Variants in PRKN observed in about 807,000 individuals in gnomAD.
PRKN encodes E3 ubiquitin-protein ligase parkin.
Under a neutral mutation model 59.5 loss-of-function variants are expected in PRKN, and 56 were observed. That is an observed-to-expected ratio of 0.94 (90% CI 0.76 to 1.18). PRKN has a LOEUF of 1.18. Among genes scored for constraint, PRKN ranks in the 50% most tolerant of loss-of-function variants. The pLI is 0.00. For missense variants in PRKN, 657 were observed against 596.4 expected (o/e 1.10, Z -1.06); for synonymous variants, 250 against 222.1 (o/e 1.13, Z -1.12).
At chr6:161,908,950 G>T (rs1778252477) in intron 6 of PRKN, among the ~76,000 whole-genome samples, 1 of 152,138 alleles carries the variant, frequency 6.6e-6, no homozygotes, top group Non-Finnish European at 1.5e-5. Context: ...ATAACACAGA[G>T]AAATAATACA....
At chr6:162,477,410 C>T (rs1206279423) in intron 1 of PRKN, among the ~76,000 whole-genome samples, 1 of 152,180 alleles carries the variant, frequency 6.6e-6, no homozygotes, top group Non-Finnish European at 1.5e-5. Context: ...CACACTGATG[C>T]ACGAGTTTCC....
rs190172508 is a variant in PRKN at position 161,445,385 on chromosome 6, C to T, written c.1084-58508G>A. On this transcript the variant is annotated intron_variant, in intron 9 of 11. Coordinates refer to ENST00000366898, the MANE Select transcript of PRKN (RefSeq NM_004562.3). This position sits in a 1 kb window ranked among gnomAD's most constrained non-coding sequence, Gnocchi z 7.7. Reference sequence around the variant, plus strand: ...GGGGCTCAGTGGTGCCCCTGGCCACCGAGTCAAGCAGCGTAGATTGATCAG... The same window carrying T: ...GGGGCTCAGTGGTGCCCCTGGCCACTGAGTCAAGCAGCGTAGATTGATCAG... Among the ~76,000 whole-genome samples the T allele has an allele frequency of 4.7e-4, 72 of 152,250 alleles. No individual in the cohort carries two copies. Among genetic ancestry groups the T allele is most frequent in the African/African-American group, 1.3e-3 (54 of 41,548 alleles).
chr6:162,146,437 T>C (rs1424331942), intron 4 of PRKN, among the ~76,000 whole-genome samples: 1 of 150,610 alleles, frequency 6.6e-6, no homozygotes, highest in Non-Finnish European at 1.5e-5. Flanking sequence ...TAAATATATA[T>C]ATATATCGAT....
rs1239237833 is a variant in PRKN at position 161,518,730 on chromosome 6, G to A, written c.1083+30124C>T. 6.6e-6 allele frequency among the ~76,000 whole-genome samples: 1 copy of A among 152,208 alleles called. No individual in the cohort carries two copies. Among genetic ancestry groups the A allele is most frequent in the Admixed American group, 6.5e-5 (1 of 15,288 alleles). On this transcript the variant is annotated intron_variant, in intron 9 of 11. Transcript: ENST00000366898. This position sits in a 1 kb window ranked among gnomAD's most constrained non-coding sequence, Gnocchi z 5.0. ...ACACATCCTCCTGCCTGCTGCAGAG[G>A]GCCGGCGGTGTGCCTTGATACTTGG... is the stretch of plus-strand genomic sequence containing the variant.
At chr6:162,305,820 T>C (rs561929207) in intron 2 of PRKN, among the ~76,000 whole-genome samples, 10 of 152,236 alleles carry the variant, frequency 6.6e-5, no homozygotes, top group African/African-American at 2.2e-4. Flanking sequence ...ATTCTATATC[T>C]AAAACCATAT....
intron 2 of PRKN, among the ~76,000 whole-genome samples, chr6:162,359,497 T>C (rs1785040624): frequency 6.6e-6 from 1 of 152,066 alleles, no homozygotes; most frequent in Admixed American, 6.6e-5. Context: ...GTTAATTTGC[T>C]AATGAAATCT....
chr6:161,518,009 C>A lies in PRKN; in HGVS notation c.1083+30845G>T, dbSNP rs578214867. Among the ~76,000 whole-genome samples the A allele has an allele frequency of 3.9e-5, 6 of 152,218 alleles. No homozygotes were observed. Among genetic ancestry groups the A allele is most frequent in the Non-Finnish European group, 8.8e-5 (6 of 68,004 alleles). On this transcript the variant is annotated intron_variant, in intron 9 of 11. Transcript: ENST00000366898. The surrounding 1 kb of genome is among the most constrained non-coding windows in gnomAD (Gnocchi z 5.0). ...GAAATCAAGAGGACTATTATTTCCT[C>A]GGGGAGACTGGCAGAAGTTGGCTGC...
intron 2 of PRKN, among the ~76,000 whole-genome samples, chr6:162,409,070 G>A (rs1441284686): frequency 6.6e-6 from 1 of 152,066 alleles, no homozygotes; most frequent in Non-Finnish European, 1.5e-5. Context: ...ATAAAGGAAC[G>A]ATTTGCATAG....
At chr6:162,492,795 A>G (rs1160167916) in intron 1 of PRKN, among the ~76,000 whole-genome samples, 2 of 151,986 alleles carry the variant, frequency 1.3e-5, no homozygotes, top group Non-Finnish European at 2.9e-5. Context: ...ACTAAAAAAT[A>G]CAAAAAAATT....
At position 161,862,012 on chromosome 6, in the gene PRKN, G is replaced by C. The variant is rs190405652; in HGVS notation, c.735-76104C>G. 1.1e-3 allele frequency among the ~76,000 whole-genome samples: 170 copies of C among 152,204 alleles called. 1 individual carries two copies. The highest frequency in any genetic ancestry group is 1.8e-3 in the Non-Finnish European group (125 of 68,010). On this transcript the variant is annotated intron_variant, in intron 6 of 11. Transcript: ENST00000366898. Reference sequence around the variant, plus strand: ...CTTTCAGTTTCTGGTGGCTGCCCTGGCATTCCTGGATTTGGGCCACATCAC... The same window carrying C: ...CTTTCAGTTTCTGGTGGCTGCCCTGCCATTCCTGGATTTGGGCCACATCAC...
At chr6:162,498,475 C>T (rs1170893841) in intron 1 of PRKN, among the ~76,000 whole-genome samples, 2 of 64,148 alleles carry the variant, frequency 3.1e-5, no homozygotes, top group Non-Finnish European at 5.5e-5. Context: ...GATGGAGTTT[C>T]GCTCTTGTTG....
At chr6:162,612,294 C>T (rs1028966052) in intron 1 of PRKN, among the ~76,000 whole-genome samples, 6 of 150,814 alleles carry the variant, frequency 4.0e-5, no homozygotes, top group Non-Finnish European at 8.9e-5. Context: ...GTGGAAGCCA[C>T]GGGAAAACAA....
At chr6:162,263,091 TCC>T (rs774893061) in intron 2 of PRKN, among the ~76,000 whole-genome samples, 2 of 151,964 alleles carry the variant, frequency 1.3e-5, no homozygotes, top group Non-Finnish European at 2.9e-5. Context: ...ATTCCTTTTT[TCC>T]CCCCAAGACA....
chr6:161,777,772 T>G (rs1032465655), intron 7 of PRKN, among the ~76,000 whole-genome samples: 1 of 142,660 alleles, frequency 7.0e-6, no homozygotes, highest in Non-Finnish European at 1.5e-5. Context: ...TGTATATATG[T>G]ATATATGTAT....
chr6:162,633,530 T>C (rs148540577), intron 1 of PRKN, among the ~76,000 whole-genome samples: 1 of 151,068 alleles, frequency 6.6e-6, no homozygotes, highest in East Asian at 2.0e-4. Context: ...AATTCAATTA[T>C]GTATAAAACC....
Position 161,352,767 on chromosome 6 carries a change from A to ATTTTTTT in PRKN, c.1286-2557_1286-2556insAAAAAAA, listed in dbSNP as rs1477609421. ...TGTGTGTGTGTGTGTATATATATAT[A>ATTTTTTT]TATATTTTATTTTATTTTATTTTAT... On this transcript the variant is annotated intron_variant, in intron 11 of 11. Transcript: ENST00000366898. The surrounding 1 kb of genome is among the most constrained non-coding windows in gnomAD (Gnocchi z 5.8). Among the ~76,000 whole-genome samples, 15 of 113,386 alleles carry ATTTTTTT rather than the reference A, an allele frequency of 1.3e-4. No homozygotes were observed. Among genetic ancestry groups the ATTTTTTT allele is most frequent in the African/African-American group, 3.6e-4 (12 of 33,548 alleles). 74.4% of individuals were successfully genotyped at this position (113,386 alleles called of 152,430 possible).
In PRKN at chr6:161,582,930, T is replaced by G. The variant is rs1781393661; in HGVS notation, c.872-13514A>C. On this transcript the variant is annotated intron_variant, in intron 7 of 11. Coordinates refer to ENST00000366898, the MANE Select transcript of PRKN (RefSeq NM_004562.3). This position sits in a 1 kb window ranked among gnomAD's most constrained non-coding sequence, Gnocchi z 4.4. ...CTATGGGAGCCCTTGTGCCAGTGAC[T>G]AAATTCCAACCAGCATCTTTCCAGT... is the stretch of plus-strand genomic sequence containing the variant. Among the ~76,000 whole-genome samples the G allele has an allele frequency of 6.7e-6, 1 of 149,826 alleles. No individual in the cohort carries two copies. The highest frequency in any genetic ancestry group is 1.5e-5 in the Non-Finnish European group (1 of 67,746).
In PRKN at chr6:162,284,295, G is replaced by T. The variant is rs1352626148; in HGVS notation, c.172-21530C>A. Among the ~76,000 whole-genome samples the T allele has an allele frequency of 9.9e-5, 14 of 141,498 alleles. No individual in the cohort carries two copies. The East Asian group carries it at 3.6e-3, about 36-fold the overall frequency. The allele number at this position is 141,498 out of a possible 152,430, so 92.8% of individuals were successfully genotyped here. A position where few individuals can be genotyped will look rare whatever the true frequency, so the allele number is the denominator to read the frequency against. ...GCTGGAGTGCAATGGCGCAATCTCG[G>T]CTCACTGCAACGTCCACCTCTCGGG... On this transcript the variant is annotated intron_variant, in intron 2 of 11. Coordinates refer to ENST00000366898, the MANE Select transcript of PRKN (RefSeq NM_004562.3).
intron 1 of PRKN, among the ~76,000 whole-genome samples, chr6:162,458,644 CTTTTT>C (rs71670667): frequency 1.5e-5 from 2 of 137,506 alleles, no homozygotes; most frequent in African/African-American, 2.7e-5. Flanking sequence ...TTTTTGTTGC[CTTTTT>C]TTTTTTTTTT....
Sources: gnomAD v4.1 joint callset for allele counts (sites outside exome capture counted in the v4.1 genomes callset) on GRCh38, gnomAD v4.1.1 for gene constraint, Gnocchi (gnomAD v3.1) non-coding constraint, MANE v1.5 for transcripts, NCBI Gene and HGNC (gene_info 2026-07-23, HGNC 2026-07-21) for gene names.